EIF4E3: variants seen among roughly 807,000 people sequenced by gnomAD.
EIF4E3 encodes the protein eukaryotic translation initiation factor 4E family member 3, also known as eukaryotic translation initiation factor 4E type 3.
In EIF4E3, 26 loss-of-function variants were observed where a neutral mutation model predicts 31.7. That is an observed-to-expected ratio of 0.82 (90% confidence interval 0.60 to 1.14). The LOEUF (loss-of-function observed/expected upper bound fraction) is 1.14, where lower values mean the gene tolerates loss of function less well. Ranked by LOEUF, EIF4E3 falls within the 50% of genes most tolerant of loss-of-function variation. EIF4E3 has a pLI of 0.00. For synonymous variants in EIF4E3, 128 were observed against 107.7 expected (o/e 1.19, Z -1.17); for missense variants, 304 against 270.9 (o/e 1.12, Z -0.86).
intron 1 of EIF4E3, among the ~76,000 whole-genome samples, chr3:71,723,913 C>G (rs758734315): frequency 3.8e-4 from 58 of 151,950 alleles, no homozygotes; most frequent in Admixed American, 7.9e-4. Context: ...AAGAAAATGG[C>G]AGCAAGTGAC....
Position 71,678,910 on chromosome 3 carries a change from T to C in EIF4E3, c.*5772A>G, listed in dbSNP as rs2048894075. ...ACTAGTTTAAATTTTGAAATTCTTTTATATAATCATTGAAATAAATTCTCC... is the reference window on the plus strand; with the variant it reads ...ACTAGTTTAAATTTTGAAATTCTTTCATATAATCATTGAAATAAATTCTCC... On this transcript the variant is annotated 3_prime_UTR_variant, in exon 7 of 7. Transcript: ENST00000425534. The C allele has an allele frequency of 6.6e-6, 1 of 152,210 alleles. No individual in the cohort carries two copies. The highest frequency in any genetic ancestry group is 1.5e-5 in the Non-Finnish European group (1 of 68,028). 9.4% of individuals were successfully genotyped at this position (152,210 alleles called of 1,614,324 possible).
At chr3:71,705,298 A>G (rs2049276471) in intron 2 of EIF4E3, among the ~76,000 whole-genome samples, 1 of 152,206 alleles carries the variant, frequency 6.6e-6, no homozygotes, top group Non-Finnish European at 1.5e-5. Context: ...TTTGGAAAGC[A>G]ATCTGCTGCC....
Position 71,677,331 on chromosome 3 carries a change from T to A in EIF4E3, c.*7351A>T, listed in dbSNP as rs1436337164. The A allele has an allele frequency of 6.6e-6, 1 of 152,186 alleles. No individual in the cohort carries two copies. The allele number at this position is 152,186 out of a possible 1,614,324, so 9.4% of individuals were successfully genotyped here. Reference sequence around the variant, plus strand: ...CATCGTCTTGTAGGATTCCAGAGATTTTTTTATGCATTCATTAACGAAAAG... The same window carrying A: ...CATCGTCTTGTAGGATTCCAGAGATATTTTTATGCATTCATTAACGAAAAG... On this transcript the variant is annotated 3_prime_UTR_variant, in exon 7 of 7. Coordinates refer to ENST00000425534, the MANE Select transcript of EIF4E3 (RefSeq NM_001134651.2).
chr3:71,750,078 G>A (rs986209849), intron 1 of EIF4E3, among the ~76,000 whole-genome samples: 2 of 152,142 alleles, frequency 1.3e-5, no homozygotes, highest in East Asian at 1.9e-4. Flanking sequence ...GCAGCATTTT[G>A]CACCGTAGAT....
chr3:71,710,318 CA>C (rs2049356832), intron 2 of EIF4E3, 93 bp downstream of exon 2: 6 of 1,398,358 alleles, frequency 4.3e-6, no homozygotes, highest in African/African-American at 1.4e-5. Context: ...GAACCCTGGA[CA>C]GGGGCTGCCA....
chr3:71,721,194 A>G (rs1034162775), intron 1 of EIF4E3, among the ~76,000 whole-genome samples: 5 of 152,216 alleles, frequency 3.3e-5, no homozygotes, highest in East Asian at 3.9e-4. Context: ...CCACCACAGG[A>G]GAAGGTGAAG....
intron 1 of EIF4E3, among the ~76,000 whole-genome samples, chr3:71,738,447 G>T (rs1419940861): frequency 2.6e-5 from 4 of 151,810 alleles, no homozygotes; most frequent in African/African-American, 7.3e-5. Flanking sequence ...TGGGTAGGTT[G>T]AAAGGGAAAA....
intron 1 of EIF4E3, among the ~76,000 whole-genome samples, chr3:71,732,076 C>T (rs1399888086): frequency 6.6e-6 from 1 of 152,168 alleles, no homozygotes; most frequent in Non-Finnish European, 1.5e-5. Flanking sequence ...CCTGGGCCCA[C>T]CCCCTCCACC....
intron 1 of EIF4E3, among the ~76,000 whole-genome samples, chr3:71,731,991 T>A (rs964078253): frequency 2.0e-5 from 3 of 152,230 alleles, no homozygotes; most frequent in African/African-American, 7.2e-5. Context: ...TGGAAATATA[T>A]ATATTCCAAA....
chr3:71,686,977 G>A (rs1239069093), intron 6 of EIF4E3, among the ~76,000 whole-genome samples: 1 of 152,110 alleles, frequency 6.6e-6, no homozygotes, highest in East Asian at 1.9e-4. Context: ...ATGACCATAT[G>A]GTCTCTGTCC....
chr3:71,750,066 G>A (rs905205451), intron 1 of EIF4E3, among the ~76,000 whole-genome samples: 10 of 152,174 alleles, frequency 6.6e-5, no homozygotes, highest in African/African-American at 2.4e-4. Context: ...CAAATCTCAA[G>A]AGCAGCATTT....
intron 1 of EIF4E3, among the ~76,000 whole-genome samples, chr3:71,712,180 A>C (rs1280020530): frequency 6.6e-6 from 1 of 152,170 alleles, no homozygotes; most frequent in Non-Finnish European, 1.5e-5. Flanking sequence ...TCCACATTAA[A>C]CACCATGACT....
At chr3:71,674,903 C>G (rs564009574), downstream of EIF4E3, among the ~76,000 whole-genome samples, 5 of 152,310 alleles carry the variant, frequency 3.3e-5, no homozygotes, top group African/African-American at 1.2e-4. Flanking sequence ...GCTCAAGGCA[C>G]AAGCGAATAG....
chr3:71,699,701 C>A lies in EIF4E3; in HGVS notation c.257G>T (p.Trp86Leu). ...IYTVQTVQIF[W>L]SVYNNIPPVT... ...AGGAGGGATATTATTGTATACACTC[C>A]AAAATATCTTTAAAAGAAAAACAAA... is the stretch of plus-strand genomic sequence containing the variant. Residue 86 changes from tryptophan to leucine, a missense_variant, in exon 3 of 7, where the codon TGG (tryptophan) becomes TTG (leucine). By Grantham distance (61) the Trp-to-Leu change is moderately conservative. Coordinates refer to ENST00000425534, the MANE Select transcript of EIF4E3 (RefSeq NM_001134651.2). The A allele has an allele frequency of 6.2e-7, 1 of 1,611,140 alleles. No homozygotes were observed. The highest frequency in any genetic ancestry group is 8.5e-7 in the Non-Finnish European group (1 of 1,178,312).
At chr3:71,735,935 C>A (rs2049758107) in intron 1 of EIF4E3, among the ~76,000 whole-genome samples, 1 of 152,028 alleles carries the variant, frequency 6.6e-6, no homozygotes, top group South Asian at 2.1e-4. Flanking sequence ...CCAAAATCTA[C>A]AAAGAAATTT....
chr3:71,670,099 C>T, the EIF4E3 span, among the ~76,000 whole-genome samples: 6 of 152,204 alleles, frequency 3.9e-5, no homozygotes, highest in Non-Finnish European at 8.8e-5. Context: ...GGACTAGTGA[C>T]TTACTTAATT....
chr3:71,710,403 T>C lies in EIF4E3; in HGVS notation c.249+9A>G. ...GTGTTAATCCAGTTAGTCCCTCTCT[T>C]GATCTTACCTGTACTGTCTGTACTG... On this transcript the variant is annotated intron_variant, in intron 2 of 6. Coordinates refer to ENST00000425534, the MANE Select transcript of EIF4E3 (RefSeq NM_001134651.2). The C allele has an allele frequency of 6.4e-7, 1 of 1,551,926 alleles. No homozygotes were observed. Among genetic ancestry groups the C allele is most frequent in the Non-Finnish European group, 8.7e-7 (1 of 1,146,952 alleles).
At chr3:71,737,638 G>C (rs1211349475) in intron 1 of EIF4E3, among the ~76,000 whole-genome samples, 1 of 152,052 alleles carries the variant, frequency 6.6e-6, no homozygotes, top group East Asian at 1.9e-4. Context: ...AACAAAATAA[G>C]AATTAGGCTG....
chr3:71,692,202 G>T (rs183773446), intron 5 of EIF4E3, among the ~76,000 whole-genome samples: 538 of 152,280 alleles, frequency 3.5e-3, no homozygotes, highest in Non-Finnish European at 6.3e-3. Flanking sequence ...TTATTTTAGG[G>T]TACTGGCAGC....
Sources: allele counts gnomAD v4.1 joint callset (sites outside exome capture counted in the v4.1 genomes callset), GRCh38; gene constraint gnomAD v4.1.1; transcripts MANE v1.5; gene names NCBI Gene and HGNC (gene_info 2026-07-23, HGNC 2026-07-21).